Variants in MITF observed in about 807,000 individuals in gnomAD.
MITF encodes the protein melanocyte inducing transcription factor.
MITF carries 17 observed loss-of-function variants against 60.5 expected under a neutral mutation model. The observed-to-expected ratio is 0.28, with a 90% CI of 0.19 to 0.42. The LOEUF is 0.42. Ranked by LOEUF, MITF falls within the 10% of genes least tolerant of loss-of-function variation. The pLI is 1.00. For missense variants in MITF, 622 were observed against 683.5 expected, an observed-to-expected ratio of 0.91 and a Z score of 1.00; for synonymous variants, 260 against 248.5, an observed-to-expected ratio of 1.05 and a Z score of -0.43.
intron 1 of MITF, among the ~76,000 whole-genome samples, chr3:69,745,178 G>T (rs1003981168): frequency 1.3e-5 from 2 of 152,122 alleles, no homozygotes; most frequent in East Asian, 3.8e-4. Flanking sequence ...TCAACCTTGG[G>T]TGTATGTAAT....
At position 69,966,840 on chromosome 3, in the gene MITF, A is replaced by C. The variant is rs891390076; in HGVS notation, c.*1592A>C. 5 of 232,836 alleles carry C rather than the reference A, an allele frequency of 2.1e-5. No individual in the cohort carries two copies. The highest frequency in any genetic ancestry group is 1.1e-4 in the Admixed American group (2 of 17,772). 14.4% of individuals were successfully genotyped at this position (232,836 alleles called of 1,614,324 possible). On this transcript the variant is annotated 3_prime_UTR_variant, in exon 10 of 10. Transcript: ENST00000352241. ...TATCCATTCAGAATGAAGTGCCTTAAATATAGCAGTAGTCTTTTTTGGACT... is the reference window on the plus strand; with the variant it reads ...TATCCATTCAGAATGAAGTGCCTTACATATAGCAGTAGTCTTTTTTGGACT...
intron 1 of MITF, among the ~76,000 whole-genome samples, chr3:69,834,716 T>C (rs1441495423): frequency 2.0e-5 from 3 of 152,146 alleles, no homozygotes; most frequent in African/African-American, 7.2e-5. Context: ...GATTATATGG[T>C]AGTTATATTT....
At chr3:69,926,338 C>T (rs1199511044) in intron 2 of MITF, among the ~76,000 whole-genome samples, 2 of 152,162 alleles carry the variant, frequency 1.3e-5, no homozygotes, top group African/African-American at 4.8e-5. Context: ...GTTTTTAGCT[C>T]ATGTGGGCTT....
At chr3:69,890,435 G>A (rs951394874) in intron 2 of MITF, among the ~76,000 whole-genome samples, 1 of 152,198 alleles carries the variant, frequency 6.6e-6, no homozygotes, top group Admixed American at 6.5e-5. Context: ...AAAGTCTTGC[G>A]AATATATGAG....
intron 1 of MITF, among the ~76,000 whole-genome samples, chr3:69,840,440 C>A (rs1438506752): frequency 6.6e-6 from 1 of 152,082 alleles, no homozygotes; most frequent in South Asian, 2.1e-4. Context: ...AATAAGAAGA[C>A]AATTGCTCCT....
intron 1 of MITF, among the ~76,000 whole-genome samples, chr3:69,792,798 C>G (rs569916801): frequency 6.6e-6 from 1 of 151,670 alleles, no homozygotes; most frequent in Non-Finnish European, 1.5e-5. Flanking sequence ...CATAAAATTC[C>G]TTATTGATTG....
intron 2 of MITF, among the ~76,000 whole-genome samples, chr3:69,904,493 C>A (rs1169625901): frequency 6.6e-6 from 1 of 152,138 alleles, no homozygotes; most frequent in African/African-American, 2.4e-5. Context: ...CCTGCCCACC[C>A]AATAAGACCC....
At chr3:69,790,002 C>A (rs2062714528) in intron 1 of MITF, among the ~76,000 whole-genome samples, 1 of 152,002 alleles carries the variant, frequency 6.6e-6, no homozygotes. Context: ...GTCACAATAG[C>A]CAAGAGTGGA....
At chr3:69,959,774 A>G (rs1291012809) in intron 9 of MITF, among the ~76,000 whole-genome samples, 1 of 152,102 alleles carries the variant, frequency 6.6e-6, no homozygotes, top group African/African-American at 2.4e-5. Flanking sequence ...TACTTTCTAC[A>G]TTTTTGTGGT....
At chr3:69,913,985 TAGA>T (rs1358043104) in intron 2 of MITF, among the ~76,000 whole-genome samples, 1 of 152,234 alleles carries the variant, frequency 6.6e-6, no homozygotes, top group African/African-American at 2.4e-5. Flanking sequence ...TTATTCTCAG[TAGA>T]AGTTGTTTTC....
chr3:69,776,527 C>G (rs1372700055), intron 1 of MITF, among the ~76,000 whole-genome samples: 2 of 152,140 alleles, frequency 1.3e-5, no homozygotes, highest in Non-Finnish European at 2.9e-5. Flanking sequence ...TGAAGATTAA[C>G]TGAGTTAGTA....
intron 1 of MITF, among the ~76,000 whole-genome samples, chr3:69,786,196 T>C (rs2062646476): frequency 6.6e-6 from 1 of 152,108 alleles, no homozygotes; most frequent in Non-Finnish European, 1.5e-5. Flanking sequence ...GTTTCCAAAG[T>C]AAATGAGAAT....
intron 1 of MITF, among the ~76,000 whole-genome samples, chr3:69,845,060 G>T (rs967404535): frequency 6.6e-6 from 1 of 152,072 alleles, no homozygotes; most frequent in Non-Finnish European, 1.5e-5. Context: ...TCTAGAAAAC[G>T]TGCAGGCTTT....
At position 69,786,785 on chromosome 3, in the gene MITF, T is replaced by C. The variant is rs79079114; in HGVS notation, c.104+47084T>C. ...CTTTAAAATTAGGGTTGGAGGAGCA[T>C]ATTAGGTAAAAATCCATTCAGTTGG... On this transcript the variant is annotated intron_variant, in intron 1 of 9. Transcript: ENST00000352241. Among the ~76,000 whole-genome samples, 4 of 152,300 alleles carry C rather than the reference T, an allele frequency of 2.6e-5. No homozygotes were observed. In the East Asian group the frequency reaches 5.8e-4, roughly 22 times the overall value.
chr3:69,815,734 C>T (rs919304751), intron 1 of MITF, among the ~76,000 whole-genome samples: 3 of 152,116 alleles, frequency 2.0e-5, no homozygotes, highest in Non-Finnish European at 4.4e-5. Context: ...GCATCCCTAA[C>T]CCCTACATTG....
rs534999534 is a variant in MITF, at chr3:69,926,682, G to A, written c.355-11140G>A. On this transcript the variant is annotated intron_variant, in intron 2 of 9. Transcript: ENST00000352241. The stretch of plus-strand genomic sequence containing the variant: ...CTCCCATGGTGGGGGGGATCTGGAC[G>A]GTCCTGACAATGGGCCATTATAAAG... Among the ~76,000 whole-genome samples the A allele has an allele frequency of 2.2e-4, 34 of 152,268 alleles. 1 individual carries two copies. Among genetic ancestry groups the A allele is most frequent in the Admixed American group, 1.7e-3 (26 of 15,296 alleles).
At chr3:69,800,350 C>T (rs2062898854) in intron 1 of MITF, among the ~76,000 whole-genome samples, 1 of 152,188 alleles carries the variant, frequency 6.6e-6, no homozygotes, top group South Asian at 2.1e-4. Flanking sequence ...ATTCATTTTT[C>T]AGCTGATGGA....
At chr3:69,757,997 A>ATG (rs60250386) in intron 1 of MITF, among the ~76,000 whole-genome samples, 19,484 of 115,656 alleles carry the variant, frequency 0.17, 1,698 homozygotes, top group African/African-American at 0.26. Context: ...ACCCTAGGGC[A>ATG]TGTGTGTGTG....
chr3:69,938,464 T>G, intron 3 of MITF: 2 of 1,477,022 alleles, frequency 1.4e-6, no homozygotes, highest in Non-Finnish European at 1.8e-6. Flanking sequence ...TGTGAATGTC[T>G]GGAATATTAT....
Sources: gnomAD v4.1 joint callset for allele counts (sites outside exome capture counted in the v4.1 genomes callset) on GRCh38, gnomAD v4.1.1 for gene constraint, MANE v1.5 for transcripts, NCBI Gene and HGNC (gene_info 2026-07-23, HGNC 2026-07-21) for gene names.